MACO1: variants seen among roughly 807,000 people sequenced by gnomAD.
The protein encoded by MACO1 is macoilin.
A neutral mutation model predicts 78.7 loss-of-function variants in MACO1; 14 were observed. That is an observed-to-expected ratio of 0.18 (90% CI 0.12 to 0.28). The LOEUF (loss-of-function observed/expected upper bound fraction) is 0.28, where lower values mean the gene tolerates loss of function less well. Among genes scored for constraint, MACO1 ranks in the 10% least tolerant of loss-of-function variants. The probability of loss-of-function intolerance (pLI) is 1.00; values close to 1 mark genes in which losing one functional copy is unlikely to be tolerated. For missense variants in MACO1, 501 were observed against 799.0 expected (o/e 0.63, Z 4.50); for synonymous variants, 288 against 291.6 (o/e 0.99, Z 0.12).
At chr1:25,449,344 T>C (rs866617635) in intron 3 of MACO1, among the ~76,000 whole-genome samples, 4 of 152,184 alleles carry the variant, frequency 2.6e-5, no homozygotes, top group African/African-American at 9.6e-5. Flanking sequence ...ACAGCATCCC[T>C]GACACGTGGT....
chr1:25,496,490 G>T (rs1343984923), intron 10 of MACO1, among the ~76,000 whole-genome samples: 9 of 152,132 alleles, frequency 5.9e-5, no homozygotes. Context: ...TGTTCTAAGT[G>T]CTTTTACATA....
chr1:25,475,638 G>A (rs905568756), intron 6 of MACO1, among the ~76,000 whole-genome samples: 3 of 152,096 alleles, frequency 2.0e-5, no homozygotes, highest in Non-Finnish European at 4.4e-5. Flanking sequence ...CTGTTACATG[G>A]GCAAATCTGA....
intron 1 of MACO1, among the ~76,000 whole-genome samples, chr1:25,443,998 T>A (rs1403346140): frequency 1.3e-5 from 2 of 151,060 alleles, no homozygotes; most frequent in African/African-American, 4.9e-5. Context: ...ACGCCTGTAA[T>A]CCCAGCACTT....
intron 9 of MACO1, among the ~76,000 whole-genome samples, chr1:25,489,876 T>G (rs574447749): frequency 2.2e-4 from 33 of 152,072 alleles, no homozygotes; most frequent in Admixed American, 4.6e-4. Context: ...AATGATGGCC[T>G]GGAGTACAGT....
intron 9 of MACO1, among the ~76,000 whole-genome samples, chr1:25,490,373 C>T (rs974489973): frequency 1.4e-4 from 22 of 152,100 alleles, no homozygotes; most frequent in African/African-American, 5.1e-4. Flanking sequence ...ATAAACTCAC[C>T]AATCATCAAA....
chr1:25,432,080 A>T (rs1326054262), intron 1 of MACO1, among the ~76,000 whole-genome samples: 1 of 152,204 alleles, frequency 6.6e-6, no homozygotes, highest in Non-Finnish European at 1.5e-5. Context: ...TCAGAATGTT[A>T]CTTGTAAATG....
intron 8 of MACO1, 33 bp from the exon 9 acceptor site, chr1:25,489,140 A>G (rs372935036): frequency 1.3e-4 from 209 of 1,605,130 alleles, no homozygotes; most frequent in Non-Finnish European, 1.7e-4. Context: ...AGTCTTTTAA[A>G]TCACTTTATT....
chr1:25,481,043 T>C (rs927685582), intron 6 of MACO1, among the ~76,000 whole-genome samples: 1 of 149,238 alleles, frequency 6.7e-6, no homozygotes. Flanking sequence ...ATAACTGCAT[T>C]AGCTCATTGG....
chr1:25,464,491 G>C (rs1166020760), intron 6 of MACO1, among the ~76,000 whole-genome samples: 3 of 151,158 alleles, frequency 2.0e-5, no homozygotes, highest in African/African-American at 7.3e-5. Context: ...ATTACAGGCA[G>C]CTGCCATCAC....
At chr1:25,431,731 GCT>G (rs2042873851) in intron 1 of MACO1, among the ~76,000 whole-genome samples, 1 of 152,172 alleles carries the variant, frequency 6.6e-6, no homozygotes, top group South Asian at 2.1e-4. Flanking sequence ...TTCACCTTCT[GCT>G]TCCCATATGG....
At chr1:25,466,492 T>C (rs982975946) in intron 6 of MACO1, among the ~76,000 whole-genome samples, 4 of 152,140 alleles carry the variant, frequency 2.6e-5, no homozygotes, top group African/African-American at 9.7e-5. Flanking sequence ...TTTGTATTTT[T>C]AGTAGAGATG....
At chr1:25,467,239 C>T (rs1471908478) in intron 6 of MACO1, among the ~76,000 whole-genome samples, 1 of 152,074 alleles carries the variant, frequency 6.6e-6, no homozygotes, top group African/African-American at 2.4e-5. Flanking sequence ...GCCTGGGCAA[C>T]AAAGCGAGGC....
At chr1:25,476,712 A>T (rs1490729701) in intron 6 of MACO1, among the ~76,000 whole-genome samples, 2 of 152,220 alleles carry the variant, frequency 1.3e-5, no homozygotes, top group African/African-American at 2.4e-5. Context: ...ATTAATGTGT[A>T]CCAGGGGAAC....
In MACO1 at chr1:25,458,677, C is replaced by T. The variant is rs779189133; in HGVS notation, c.939C>T (p.Asp313=). Reference sequence around the variant, plus strand: ...GTACAGAAAATCTCTTGAAAGAGGACTCATGCACTGCTTCCTCAAAAAATT... The same window carrying T: ...GTACAGAAAATCTCTTGAAAGAGGATTCATGCACTGCTTCCTCAAAAAATT... ...VGSTENLLKE[D]SCTASSKNYK... The change falls in exon 6 of 11, where the codon GAC becomes GAT. Residue 313 remains aspartate (D), a synonymous_variant. Transcript: ENST00000374343. 2.5e-6 allele frequency: 4 copies of T among 1,614,068 alleles called. No individual in the cohort carries two copies. The South Asian group carries it at 3.3e-5, about 13-fold the overall frequency.
At chr1:25,442,727 T>G (rs999698404) in intron 1 of MACO1, among the ~76,000 whole-genome samples, 1 of 151,904 alleles carries the variant, frequency 6.6e-6, no homozygotes, top group African/African-American at 2.4e-5. Context: ...GGAAACCTTA[T>G]AGATAATATT....
rs2042902692 is a variant in MACO1 at position 25,434,482 on chromosome 1, G to C, written c.80+3304G>C. Among the ~76,000 whole-genome samples, 6 of 152,312 alleles carry C rather than the reference G, an allele frequency of 3.9e-5. No homozygotes were observed. The South Asian group carries it at 1.2e-3, about 32-fold the overall frequency. Reference sequence around the variant, plus strand: ...TTGTCTTCAAGGAGTTTACAGTCTAGTAGGCCGTAGTAATACCATCTTAAA... The same window carrying C: ...TTGTCTTCAAGGAGTTTACAGTCTACTAGGCCGTAGTAATACCATCTTAAA... On this transcript the variant is annotated intron_variant, in intron 1 of 10. Coordinates refer to ENST00000374343, the MANE Select transcript of MACO1 (RefSeq NM_018202.6).
chr1:25,482,112 A>G (rs1011540000), intron 6 of MACO1, among the ~76,000 whole-genome samples: 2 of 152,156 alleles, frequency 1.3e-5, no homozygotes, highest in African/African-American at 4.8e-5. Context: ...AGAGATCACC[A>G]TTGCCCTTCA....
At chr1:25,483,385 T>C (rs1416754805) in intron 6 of MACO1, among the ~76,000 whole-genome samples, 1 of 152,202 alleles carries the variant, frequency 6.6e-6, no homozygotes, top group African/African-American at 2.4e-5. Context: ...GCACTACATA[T>C]GCATAGTAGG....
chr1:25,452,903 G>A (rs1055736785), intron 3 of MACO1, among the ~76,000 whole-genome samples: 43 of 151,830 alleles, frequency 2.8e-4, no homozygotes, highest in African/African-American at 9.4e-4. Flanking sequence ...CACCATGTTA[G>A]TCAGGCTGGT....
Sources: gnomAD v4.1 joint callset for allele counts (sites outside exome capture counted in the v4.1 genomes callset) on GRCh38, gnomAD v4.1.1 for gene constraint, MANE v1.5 for transcripts, NCBI Gene and HGNC (gene_info 2026-07-23, HGNC 2026-07-21) for gene names.